Variants in DLG2 observed in about 807,000 individuals in gnomAD.
DLG2 encodes the protein discs large MAGUK scaffold protein 2, also known as disks large homolog 2.
DLG2 carries 45 observed loss-of-function variants against 132.5 expected under a neutral mutation model. That is an observed-to-expected ratio of 0.34 (90% CI 0.27 to 0.44). The LOEUF (loss-of-function observed/expected upper bound fraction) is 0.44. Ranked by LOEUF, DLG2 falls within the 20% of genes least tolerant of loss-of-function variation. The probability of loss-of-function intolerance (pLI) is 1.00; values close to 1 mark genes in which losing one functional copy is unlikely to be tolerated. For missense variants in DLG2, 1,045 were observed against 1,196.9 expected (o/e 0.87, Z 1.87); for synonymous variants, 424 against 419.6 (o/e 1.01, Z -0.13).
intron 6 of DLG2, among the ~76,000 whole-genome samples, chr11:84,898,426 T>C (rs934662540): frequency 5.9e-5 from 9 of 151,988 alleles, no homozygotes; most frequent in African/African-American, 2.2e-4. Flanking sequence ...TACCACTTTC[T>C]TGAAAGAGTA....
intron 19 of DLG2, among the ~76,000 whole-genome samples, chr11:83,584,528 A>C (rs2097047577): frequency 6.6e-6 from 1 of 152,212 alleles, no homozygotes; most frequent in Non-Finnish European, 1.5e-5. Context: ...TAGTTGGTTG[A>C]AGAAGAACCA....
chr11:84,859,638 T>C (rs1181217443), intron 6 of DLG2, among the ~76,000 whole-genome samples: 4 of 151,730 alleles, frequency 2.6e-5, no homozygotes, highest in Admixed American at 2.6e-4. Flanking sequence ...TAGCAGAATA[T>C]GCAGAAGTAA....
chr11:83,729,069 A>G (rs2090526125), intron 18 of DLG2, among the ~76,000 whole-genome samples: 1 of 152,216 alleles, frequency 6.6e-6, no homozygotes, highest in Non-Finnish European at 1.5e-5. Flanking sequence ...AAATTATTTT[A>G]GACAATGCTA....
At position 84,436,624 on chromosome 11, in the gene DLG2, C is replaced by A. The variant is rs1310529680; in HGVS notation, c.519+97946G>T. 3.3e-5 allele frequency among the ~76,000 whole-genome samples: 5 copies of A among 152,308 alleles called. No homozygotes were observed. In the South Asian group the frequency reaches 8.3e-4, roughly 25 times the overall value. On this transcript the variant is annotated intron_variant, in intron 7 of 27. Coordinates refer to ENST00000376104, the MANE Select transcript of DLG2 (RefSeq NM_001142699.3). ...AGTTTGGACAGTGCCCCAGAAAGCA[C>A]TGGAGAATTAGAGATGTAAGCTATC...
At chr11:84,081,643 T>C (rs1185390961) in intron 10 of DLG2, among the ~76,000 whole-genome samples, 3 of 152,208 alleles carry the variant, frequency 2.0e-5, no homozygotes, top group Non-Finnish European at 4.4e-5. Flanking sequence ...ACAAAGGACA[T>C]GAACTCATCC....
chr11:83,541,168 A>AC (rs1393940876), intron 20 of DLG2, among the ~76,000 whole-genome samples: 1 of 152,192 alleles, frequency 6.6e-6, no homozygotes, highest in African/African-American at 2.4e-5. Flanking sequence ...CTTAGACCTC[A>AC]CCAGATGTTT....
rs140327081 is a variant in DLG2, at chr11:84,041,870, T to C, written c.919+17445A>G. Among the ~76,000 whole-genome samples, 12 of 152,016 alleles carry C rather than the reference T, an allele frequency of 7.9e-5. No homozygotes were observed. In the East Asian group the frequency reaches 2.3e-3, roughly 30 times the overall value. On this transcript the variant is annotated intron_variant, in intron 11 of 27. Coordinates refer to ENST00000376104, the MANE Select transcript of DLG2 (RefSeq NM_001142699.3). The stretch of plus-strand genomic sequence containing the variant: ...GGTGATTGAATTATGGGGATGGGTC[T>C]TTCCTGTGATGTTCTTGTGATAGTG...
chr11:84,718,304 CAT>C (rs1431967175), intron 6 of DLG2, among the ~76,000 whole-genome samples: 1 of 152,034 alleles, frequency 6.6e-6, no homozygotes, highest in Non-Finnish European at 1.5e-5. Context: ...TGCAAACACA[CAT>C]GACATAGGTG....
intron 7 of DLG2, among the ~76,000 whole-genome samples, chr11:84,306,597 G>A (rs1043214881): frequency 2.6e-5 from 4 of 152,106 alleles, no homozygotes; most frequent in South Asian, 2.1e-4. Flanking sequence ...TTGATTTTAG[G>A]CTTAGATAAT....
intron 18 of DLG2, chr11:83,720,690 G>C (rs1440758023): frequency 6.7e-6 from 1 of 149,304 alleles, no homozygotes; most frequent in African/African-American, 2.5e-5. Flanking sequence ...TGAAATGAAA[G>C]AGTAAGTAAA....
chr11:83,602,174 T>C (rs1659019418), intron 19 of DLG2, among the ~76,000 whole-genome samples: 1 of 152,238 alleles, frequency 6.6e-6, no homozygotes, highest in South Asian at 2.1e-4. Flanking sequence ...CTTTCTGATT[T>C]CAATTAATTT....
At chr11:84,880,352 T>C (rs1241059334) in intron 6 of DLG2, among the ~76,000 whole-genome samples, 1 of 152,018 alleles carries the variant, frequency 6.6e-6, no homozygotes, top group Non-Finnish European at 1.5e-5. Context: ...ACACAGACAT[T>C]AAAGTGCCCA....
intron 3 of DLG2, among the ~76,000 whole-genome samples, chr11:85,311,631 T>A (rs2080320072): frequency 6.6e-6 from 1 of 152,138 alleles, no homozygotes; most frequent in African/African-American, 2.4e-5. Context: ...ATTCAGAAGT[T>A]GTCTACAGTT....
intron 7 of DLG2, among the ~76,000 whole-genome samples, chr11:84,316,559 T>C (rs893922727): frequency 1.3e-5 from 2 of 152,016 alleles, no homozygotes; most frequent in African/African-American, 4.8e-5. Context: ...TAAAAGACTA[T>C]GATAAAAAAT....
At chr11:84,288,132 A>C (rs1013462320) in intron 7 of DLG2, among the ~76,000 whole-genome samples, 6 of 152,050 alleles carry the variant, frequency 3.9e-5, no homozygotes, top group Non-Finnish European at 7.4e-5. Context: ...ACAATCCATT[A>C]ATTATTTACA....
At position 84,712,725 on chromosome 11, in the gene DLG2, G is replaced by C. The variant is rs1158544295; in HGVS notation, c.358-177994C>G. 2.6e-5 allele frequency among the ~76,000 whole-genome samples: 4 copies of C among 152,082 alleles called. No homozygotes were observed. The East Asian group carries it at 7.7e-4, about 29-fold the overall frequency. On this transcript the variant is annotated intron_variant, in intron 6 of 27. Coordinates refer to ENST00000376104, the MANE Select transcript of DLG2 (RefSeq NM_001142699.3). ...TACCAGGCATTGTGCTAAATGTTTT[G>C]ATATGTGATCTATCACTTAATTTTT...
chr11:84,645,128 G>T (rs1192361136), intron 6 of DLG2, among the ~76,000 whole-genome samples: 1 of 152,160 alleles, frequency 6.6e-6, no homozygotes, highest in Admixed American at 6.5e-5. Context: ...AGCAGTCAGG[G>T]ATAAGAGAGA....
intron 14 of DLG2, among the ~76,000 whole-genome samples, chr11:83,934,235 A>C (rs1383309105): frequency 6.6e-6 from 1 of 152,166 alleles, no homozygotes; most frequent in Non-Finnish European, 1.5e-5. Context: ...TTATTTTCAC[A>C]TCTCTTTCAT....
chr11:84,074,529 A>ATTTATT (rs1374145931), intron 10 of DLG2, among the ~76,000 whole-genome samples: 2 of 139,344 alleles, frequency 1.4e-5, no homozygotes, highest in African/African-American at 5.4e-5. Flanking sequence ...AGAGTTTCTA[A>ATTTATT]TTTTTTTTTT....
Sources: gnomAD v4.1 joint callset for allele counts (sites outside exome capture counted in the v4.1 genomes callset) on GRCh38, gnomAD v4.1.1 for gene constraint, MANE v1.5 for transcripts, NCBI Gene and HGNC (gene_info 2026-07-23, HGNC 2026-07-21) for gene names.